The following PCNT variants were observed in gnomAD, a reference collection of about 807,000 sequenced individuals.
PCNT encodes the protein pericentrin, also known as kendrin.
A neutral mutation model predicts 380.4 loss-of-function variants in PCNT; 319 were observed. The observed-to-expected ratio is 0.84, with a 90% confidence interval of 0.77 to 0.92. The LOEUF is 0.92. Among genes scored for constraint, PCNT ranks in the 40% least tolerant of loss-of-function variants. The pLI, the probability that PCNT is intolerant of heterozygous loss-of-function variation, is 0.00. For synonymous variants in PCNT, 1,845 were observed against 1,735.2 expected (o/e 1.06, Z -1.57); for missense variants, 4,400 against 4,255.3 (o/e 1.03, Z -0.95).
chr21:46,388,785 G>A lies in PCNT; in HGVS notation c.3508G>A (p.Gly1170Arg). Reference protein sequence around the residue: ...DALRRLLGLFGETLRAAVTLR... With the variant: ...DALRRLLGLFRETLRAAVTLR... ...CCTGCGCAGGCTGCTGGGTTTGTTT[G>A]GAGAGACGCTGAGGGCAGCCGTCAC... The change falls in exon 18 of 47, where the codon GGA becomes AGA. Residue 1170 changes from glycine (G) to arginine (R), a missense_variant. Gly to Arg is a moderately radical substitution (Grantham distance 125). Transcript: ENST00000359568. This position sits in a 1 kb window ranked among gnomAD's most constrained non-coding sequence, Gnocchi z 4.2. The A allele has an allele frequency of 6.2e-7, 1 of 1,613,846 alleles. No individual in the cohort carries two copies. Among genetic ancestry groups the A allele is most frequent in the Non-Finnish European group, 8.5e-7 (1 of 1,179,988 alleles).
At chr21:46,353,781 GCA>G (rs1478204052) in intron 10 of PCNT, among the ~76,000 whole-genome samples, 1 of 151,208 alleles carries the variant, frequency 6.6e-6, no homozygotes, top group Non-Finnish European at 1.5e-5. Context: ...TCAGTGGCGG[GCA>G]CACTTTCTTC....
At chr21:46,438,079 T>G (rs1310142492) in intron 40 of PCNT, 85 bp from the exon 41 acceptor site, 2 of 1,113,692 alleles carry the variant, frequency 1.8e-6, no homozygotes, top group African/African-American at 3.1e-5. Context: ...TTACAATCCC[T>G]AAAAATAACT....
rs543717082 is a variant in PCNT, at chr21:46,366,831, C to T, written c.2857C>T (p.His953Tyr). Residue 953 changes from histidine (H) to tyrosine (Y), a missense_variant, in exon 15 of 47, where the codon CAC becomes TAC. Physicochemically the swap from His to Tyr is moderately conservative, Grantham distance 83. Coordinates refer to ENST00000359568, the MANE Select transcript of PCNT (RefSeq NM_006031.6). ...ACGTGTGGCCGAACTGCAGACAAAA[C>T]ACGCTGCCGACCTCGGCGCTCTGGA... ...AARVAELQTK[H>Y]AADLGALETR... 1 of 1,614,012 alleles carries T rather than the reference C, an allele frequency of 6.2e-7. No individual in the cohort carries two copies. The highest frequency in any genetic ancestry group is 1.1e-5 in the South Asian group (1 of 91,090).
intron 2 of PCNT, among the ~76,000 whole-genome samples, chr21:46,330,084 AGG>A (rs2083509521): frequency 6.6e-6 from 1 of 152,208 alleles, no homozygotes; most frequent in Non-Finnish European, 1.5e-5. Flanking sequence ...TGCAGTCATC[AGG>A]TATTAACCCC....
At chr21:46,430,354 C>G in intron 36 of PCNT, 122 bp downstream of exon 36, 3 of 1,367,800 alleles carry the variant, frequency 2.2e-6, no homozygotes, top group Non-Finnish European at 3.0e-6. Context: ...AGGGGCACCG[C>G]GCCCTGCTGT....
At position 46,412,895 on chromosome 21, in the gene PCNT, G is replaced by A. The variant is rs755572010; in HGVS notation, c.6053G>A (p.Gly2018Asp). Residue 2018 changes from glycine to aspartate, a missense_variant, in exon 29 of 47, where the codon GGC (glycine) becomes GAC (aspartate). Physicochemically the swap from Gly to Asp is moderately conservative, Grantham distance 94 (BLOSUM62 -1). Transcript: ENST00000359568. ...LKDAPLCKQE[G>D]VMSVLTVCQR... is the part of the protein sequence containing the mutation. ...GATGCACCTCTCTGCAAGCAAGAAG[G>A]CGTGATGTCAGTGCTCACCGTCTGC... 3.1e-6 allele frequency: 5 copies of A among 1,612,940 alleles called. No homozygotes were observed. Among genetic ancestry groups the A allele is most frequent in the Admixed American group, 3.3e-5 (2 of 60,032 alleles).
intron 32 of PCNT, among the ~76,000 whole-genome samples, chr21:46,424,784 G>A (rs1181960036): frequency 8.0e-6 from 1 of 124,474 alleles, no homozygotes; most frequent in Admixed American, 8.6e-5. Flanking sequence ...GCACCACCCC[G>A]CTCCCCTCAA....
At chr21:46,384,437 C>T (rs887364898) in intron 16 of PCNT, among the ~76,000 whole-genome samples, 1 of 145,854 alleles carries the variant, frequency 6.9e-6, no homozygotes, top group Non-Finnish European at 1.5e-5. Flanking sequence ...GTTGTATATT[C>T]AGTGATGGAA....
At chr21:46,427,598 C>T in intron 33 of PCNT, 24 bp from the exon 34 acceptor site, 2 of 1,613,740 alleles carry the variant, frequency 1.2e-6, no homozygotes, top group Non-Finnish European at 1.7e-6. Context: ...GTGAGGACGC[C>T]ACGTTTCTTC....
intron 15 of PCNT, among the ~76,000 whole-genome samples, chr21:46,379,134 C>G (rs1413019687): frequency 6.6e-6 from 1 of 152,194 alleles, no homozygotes; most frequent in Non-Finnish European, 1.5e-5. Flanking sequence ...TTAATTTCTC[C>G]TTCATCCTTG....
intron 25 of PCNT, among the ~76,000 whole-genome samples, 196 bp downstream of exon 25, chr21:46,399,992 A>G (rs960590777): frequency 2.6e-5 from 4 of 152,142 alleles, no homozygotes; most frequent in African/African-American, 9.7e-5. Context: ...CTTTCTGGAG[A>G]TTGTTGATTT....
chr21:46,350,087 G>A (rs796219348), intron 8 of PCNT, among the ~76,000 whole-genome samples: 14 of 152,260 alleles, frequency 9.2e-5, no homozygotes, highest in South Asian at 4.2e-4. Context: ...GCTGAGGCAC[G>A]AGAATCGCTT....
Position 46,435,589 on chromosome 21 carries a change from C to G in PCNT, c.8752-315C>G, listed in dbSNP as rs2053414630. 2.0e-5 allele frequency among the ~76,000 whole-genome samples: 3 copies of G among 151,900 alleles called. No homozygotes were observed. In the South Asian group the frequency reaches 6.2e-4, roughly 32 times the overall value. The stretch of plus-strand genomic sequence containing the variant: ...ATGGAGTCTCACTCTGTTGTCCAGG[C>G]TGAAGTGCAGTGGCGCAATCTCGGC... On this transcript the variant is annotated intron_variant, in intron 38 of 46. Coordinates refer to ENST00000359568, the MANE Select transcript of PCNT (RefSeq NM_006031.6).
intron 29 of PCNT, among the ~76,000 whole-genome samples, chr21:46,415,365 A>ATTTTTT (rs35983555): frequency 6.1e-5 from 4 of 65,284 alleles, no homozygotes; most frequent in Admixed American, 2.5e-4. Context: ...GTTTCTTTGA[A>ATTTTTT]TTTTTTTTTT....
chr21:46,325,393 G>T lies in PCNT; in HGVS notation c.55-984G>T, dbSNP rs552862268. Among the ~76,000 whole-genome samples the T allele has an allele frequency of 2.6e-5, 4 of 152,308 alleles. No homozygotes were observed. In the East Asian group the frequency reaches 7.7e-4, roughly 29 times the overall value. On this transcript the variant is annotated intron_variant, in intron 1 of 46. Transcript: ENST00000359568. ...GAGCAGAGCTCCCAGGAGGGTGGAG[G>T]GGGGAGGGAGGGACAAGACGCCGCC...
chr21:46,390,074 A>G (rs867817077), intron 19 of PCNT, among the ~76,000 whole-genome samples: 1 of 152,288 alleles, frequency 6.6e-6, no homozygotes, highest in African/African-American at 2.4e-5. Flanking sequence ...AGGGTCTTCC[A>G]GAGCCTCAGC....
intron 11 of PCNT, 101 bp downstream of exon 11, chr21:46,354,169 T>A: frequency 9.3e-7 from 1 of 1,077,926 alleles, no homozygotes; most frequent in Non-Finnish European, 1.4e-6. Flanking sequence ...CCTTCCCACC[T>A]TGTCCAGGGG....
In PCNT at chr21:46,388,622, TG is replaced by T; in HGVS notation, c.3465-116del. 1 of 1,277,034 alleles carries T rather than the reference TG, an allele frequency of 7.8e-7. No homozygotes were observed. Among genetic ancestry groups the T allele is most frequent in the Non-Finnish European group, 1.1e-6 (1 of 888,626 alleles). 79.1% of individuals were successfully genotyped at this position (1,277,034 alleles called of 1,614,324 possible). ...ATGAGGATCATGTCTTCCGGCCCCGTGGGGACAGGCAGCCGTGGGCCGAGGT... is the reference window on the plus strand; with the variant it reads ...ATGAGGATCATGTCTTCCGGCCCCGTGGGACAGGCAGCCGTGGGCCGAGGT... On this transcript the variant is annotated intron_variant, in intron 17 of 46. Coordinates refer to ENST00000359568, the MANE Select transcript of PCNT (RefSeq NM_006031.6). This position sits in a 1 kb window ranked among gnomAD's most constrained non-coding sequence, Gnocchi z 4.2.
Position 46,411,458 on chromosome 21 carries a change from G to A in PCNT, c.5385G>A (p.Ala1795=), listed in dbSNP as rs371295884. 15 of 1,610,364 alleles carry A rather than the reference G, an allele frequency of 9.3e-6. No homozygotes were observed. Among genetic ancestry groups the A allele is most frequent in the East Asian group, 2.2e-5 (1 of 44,836 alleles). The change falls in exon 28 of 47, where the codon GCG becomes GCA. Residue 1795 remains alanine (A), a synonymous_variant. Transcript: ENST00000359568. Reference sequence around the variant, plus strand: ...CCCTACAGGGCGAGCTCGAGGCTGCGCTGGAAGCCAAGGAGGCCCTGAGCC... The same window carrying A: ...CCCTACAGGGCGAGCTCGAGGCTGCACTGGAAGCCAAGGAGGCCCTGAGCC... ...GQALQGELEA[A]LEAKEALSRL...
Sources: allele counts gnomAD v4.1 joint callset (sites outside exome capture counted in the v4.1 genomes callset), GRCh38; gene constraint gnomAD v4.1.1; non-coding constraint Gnocchi (gnomAD v3.1); transcripts MANE v1.5; gene names NCBI Gene and HGNC (gene_info 2026-07-23, HGNC 2026-07-21).